Variants in EBF1 observed in about 807,000 individuals in gnomAD.
EBF1 encodes the protein transcription factor COE1.
A neutral mutation model predicts 68.4 loss-of-function variants in EBF1; 10 were observed. The observed-to-expected ratio is 0.15, with a 90% confidence interval of 0.09 to 0.25. EBF1 has a LOEUF of 0.25. EBF1 is among the 10% of genes least tolerant of loss of function. The pLI is 1.00. For missense variants in EBF1, 509 were observed against 794.4 expected, an observed-to-expected ratio of 0.64 and a Z score of 4.32; for synonymous variants, 298 against 299.8, an observed-to-expected ratio of 0.99 and a Z score of 0.06.
At chr5:158,805,221 A>G (rs1194927641) in intron 8 of EBF1, among the ~76,000 whole-genome samples, 1 of 152,142 alleles carries the variant, frequency 6.6e-6, no homozygotes, top group African/African-American at 2.4e-5. Flanking sequence ...TTCAAGGACT[A>G]TTTAAGTCTT....
chr5:159,069,906 A>G (rs1777516244), intron 6 of EBF1, among the ~76,000 whole-genome samples: 1 of 152,202 alleles, frequency 6.6e-6, no homozygotes, highest in East Asian at 1.9e-4. Flanking sequence ...CAATGTGGTA[A>G]TAAAACTCCT....
chr5:158,764,972 A>C lies in EBF1; in HGVS notation c.1036+12441T>G, dbSNP rs566064702. On this transcript the variant is annotated intron_variant, in intron 10 of 15. Transcript: ENST00000313708. ...TCTTTCCTCATAAAGAACAAAAAGG[A>C]ATTGATGAATGAGAAAGGCTTTGTC... Among the ~76,000 whole-genome samples, 3 of 152,282 alleles carry C rather than the reference A, an allele frequency of 2.0e-5. No homozygotes were observed. In the East Asian group the frequency reaches 5.8e-4, roughly 29 times the overall value.
At position 158,699,039 on chromosome 5, in the gene EBF1, G is replaced by C; in HGVS notation, c.*72C>G. 1 of 1,416,814 alleles carries C rather than the reference G, an allele frequency of 7.1e-7. No homozygotes were observed. Among genetic ancestry groups the C allele is most frequent in the Non-Finnish European group, 9.5e-7 (1 of 1,048,948 alleles). 87.8% of individuals were successfully genotyped at this position (1,416,814 alleles called of 1,614,324 possible). A position where few individuals can be genotyped will look rare whatever the true frequency, so the allele number is the denominator to read the frequency against. The stretch of plus-strand genomic sequence containing the variant: ...GGCCTGAGTTAAAAGTTCCACTCTG[G>C]GACTTGTATCAGATTACTCTCTGTA... On this transcript the variant is annotated 3_prime_UTR_variant, in exon 16 of 16. Coordinates refer to ENST00000313708, the MANE Select transcript of EBF1 (RefSeq NM_024007.5).
intron 9 of EBF1, among the ~76,000 whole-genome samples, chr5:158,786,290 T>A (rs1426637257): frequency 6.6e-6 from 1 of 152,194 alleles, no homozygotes; most frequent in African/African-American, 2.4e-5. Flanking sequence ...CAGTTAATTG[T>A]ACAAAACAAA....
intron 6 of EBF1, among the ~76,000 whole-genome samples, chr5:158,950,916 T>C (rs933711002): frequency 2.6e-5 from 4 of 152,202 alleles, no homozygotes; most frequent in Admixed American, 6.5e-5. Flanking sequence ...ATTGTTGCCA[T>C]GTGGGATGGC....
intron 10 of EBF1, among the ~76,000 whole-genome samples, chr5:158,754,790 C>A (rs1001204194): frequency 1.3e-5 from 2 of 152,046 alleles, no homozygotes; most frequent in Non-Finnish European, 2.9e-5. Flanking sequence ...GTAATAAGCA[C>A]CTTATTTTGC....
At chr5:158,774,129 T>C (rs1774514866) in intron 10 of EBF1, among the ~76,000 whole-genome samples, 1 of 152,060 alleles carries the variant, frequency 6.6e-6, no homozygotes, top group African/African-American at 2.4e-5. Flanking sequence ...CTTTCCAGAG[T>C]CTGTGACTCT....
At chr5:158,983,976 A>G (rs1426499376) in intron 6 of EBF1, among the ~76,000 whole-genome samples, 1 of 149,606 alleles carries the variant, frequency 6.7e-6, no homozygotes, top group Non-Finnish European at 1.5e-5. Flanking sequence ...TGTCTCTTCC[A>G]GTGGAAATTC....
intron 11 of EBF1, among the ~76,000 whole-genome samples, chr5:158,730,652 G>C (rs922444805): frequency 6.6e-6 from 1 of 152,170 alleles, no homozygotes; most frequent in African/African-American, 2.4e-5. Flanking sequence ...ACAGAAATTT[G>C]GTGCTGCTTT....
rs537758295 is a variant in EBF1, at chr5:159,004,150, G to T, written c.554+69246C>A. 1.7e-3 allele frequency among the ~76,000 whole-genome samples: 256 copies of T among 152,078 alleles called. 1 individual carries two copies. Among genetic ancestry groups the T allele is most frequent in the African/African-American group, 6.0e-3 (247 of 41,468 alleles). ...AAATTAGCCAGGCATGGTGGCAGGT[G>T]CCTGTAATCCCAGCTACTTAGGAGG... On this transcript the variant is annotated intron_variant, in intron 6 of 15. Coordinates refer to ENST00000313708, the MANE Select transcript of EBF1 (RefSeq NM_024007.5).
At chr5:159,091,836 C>T (rs1312260990) in intron 4 of EBF1, among the ~76,000 whole-genome samples, 1 of 152,186 alleles carries the variant, frequency 6.6e-6, no homozygotes, top group Non-Finnish European at 1.5e-5. Context: ...TCACGGTCTC[C>T]TCACTACATC....
intron 15 of EBF1, among the ~76,000 whole-genome samples, chr5:158,705,983 A>G (rs1297337250): frequency 6.6e-6 from 1 of 152,194 alleles, no homozygotes; most frequent in African/African-American, 2.4e-5. Flanking sequence ...TGCTTTCCAT[A>G]TGTATGATCA....
At chr5:158,892,689 A>G (rs1206354562) in intron 6 of EBF1, among the ~76,000 whole-genome samples, 1 of 152,324 alleles carries the variant, frequency 6.6e-6, no homozygotes, top group East Asian at 1.9e-4. Flanking sequence ...GAACTTAGAC[A>G]TGGGTACAAT....
chr5:158,935,478 C>G (rs1811809700), intron 6 of EBF1, among the ~76,000 whole-genome samples: 1 of 152,186 alleles, frequency 6.6e-6, no homozygotes, highest in African/African-American at 2.4e-5. Flanking sequence ...TGGTAGAACA[C>G]CCTATATCCA....
chr5:159,095,772 C>G, intron 3 of EBF1, 97 bp from the exon 4 acceptor site: 1 of 1,292,492 alleles, frequency 7.7e-7, no homozygotes, highest in Non-Finnish European at 1.1e-6. Flanking sequence ...ACAACAAAAC[C>G]CCCACACACA....
At chr5:159,029,198 A>G (rs575544766) in intron 6 of EBF1, among the ~76,000 whole-genome samples, 1 of 152,342 alleles carries the variant, frequency 6.6e-6, no homozygotes, top group South Asian at 2.1e-4. Context: ...TACTCATGTA[A>G]GTAAAGCCCA....
chr5:158,736,777 A>G (rs956144845), intron 10 of EBF1, among the ~76,000 whole-genome samples: 4 of 152,180 alleles, frequency 2.6e-5, no homozygotes, highest in Non-Finnish European at 5.9e-5. Flanking sequence ...TTTTTCCCTC[A>G]GTCACTAAAT....
intron 6 of EBF1, among the ~76,000 whole-genome samples, chr5:158,872,497 G>A (rs1198221598): frequency 1.3e-5 from 2 of 152,120 alleles, no homozygotes; most frequent in African/African-American, 4.8e-5. Context: ...ACTGCACCCG[G>A]CCCTGTTTTT....
At chr5:159,041,537 T>C (rs1198180077) in intron 6 of EBF1, among the ~76,000 whole-genome samples, 2 of 152,230 alleles carry the variant, frequency 1.3e-5, no homozygotes, top group Non-Finnish European at 2.9e-5. Context: ...TAGTCACTTC[T>C]AGAAAGGGAT....
Sources: allele counts gnomAD v4.1 joint callset (sites outside exome capture counted in the v4.1 genomes callset), GRCh38; gene constraint gnomAD v4.1.1; transcripts MANE v1.5; gene names NCBI Gene and HGNC (gene_info 2026-07-23, HGNC 2026-07-21).